Variants in PUM1 observed in about 807,000 individuals in gnomAD.
The protein encoded by PUM1 is pumilio RNA binding family member 1, also known as pumilio homolog 1.
In PUM1, 13 loss-of-function variants were observed where a neutral mutation model predicts 131.8. The observed-to-expected ratio is 0.10, with a 90% confidence interval of 0.06 to 0.16. The LOEUF is 0.16. PUM1 is among the 10% of genes least tolerant of loss of function. PUM1 has a pLI of 1.00. For synonymous variants in PUM1, 509 were observed against 556.5 expected (o/e 0.91, Z 1.20); for missense variants, 961 against 1,512.4 (o/e 0.64, Z 6.05).
intron 20 of PUM1, among the ~76,000 whole-genome samples, chr1:30,939,749 T>C (rs1314031596): frequency 1.3e-5 from 2 of 152,140 alleles, no homozygotes; most frequent in Non-Finnish European, 1.5e-5. Context: ...TCCCAGCTAC[T>C]TAGGAGGTTG....
At chr1:31,027,533 AC>A (rs1643271779) in intron 3 of PUM1, among the ~76,000 whole-genome samples, 1 of 152,194 alleles carries the variant, frequency 6.6e-6, no homozygotes, top group African/African-American at 2.4e-5. Context: ...AAACACAAGG[AC>A]ATCTCCCAAT....
chr1:30,988,484 A>T (rs955696914), intron 7 of PUM1, among the ~76,000 whole-genome samples: 2 of 152,234 alleles, frequency 1.3e-5, no homozygotes, highest in African/African-American at 4.8e-5. Context: ...AAAAAATCAC[A>T]AATAAAGCAA....
intron 2 of PUM1, among the ~76,000 whole-genome samples, chr1:31,035,482 T>C (rs1169455616): frequency 6.6e-6 from 1 of 152,074 alleles, no homozygotes; most frequent in Non-Finnish European, 1.5e-5. Context: ...TGGGGCGCAG[T>C]GGCTCACACC....
intron 7 of PUM1, among the ~76,000 whole-genome samples, chr1:30,983,210 G>A (rs551539907): frequency 3.1e-4 from 47 of 152,350 alleles, no homozygotes; most frequent in Non-Finnish European, 6.2e-4. Context: ...GTCCACCCAA[G>A]AGGGGCAGCC....
rs1380410556 is a variant in PUM1 at position 30,932,805 on chromosome 1, A to G, written c.*406T>C. 1 of 151,778 alleles carries G rather than the reference A, an allele frequency of 6.6e-6. No homozygotes were observed. The highest frequency in any genetic ancestry group is 1.5e-5 in the Non-Finnish European group (1 of 68,026). The allele number at this position is 151,778 out of a possible 1,614,324, so 9.4% of individuals were successfully genotyped here. A position where few individuals can be genotyped will look rare whatever the true frequency, so the allele number is the denominator to read the frequency against. ...ATTTGCAAAACTTGCCGGCCAGGCA[A>G]ATGAGCTAAAAACCTTTTCCTTTTT... On this transcript the variant is annotated 3_prime_UTR_variant, in exon 22 of 22. Transcript: ENST00000426105.
intron 2 of PUM1, among the ~76,000 whole-genome samples, chr1:31,048,769 C>T (rs957358790): frequency 1.4e-4 from 21 of 152,136 alleles, no homozygotes; most frequent in Middle Eastern, 3.4e-3. Context: ...CCACCATGCC[C>T]GGCCCATCAG....
chr1:30,982,831 C>A (rs6700556), intron 7 of PUM1, among the ~76,000 whole-genome samples: 46,147 of 152,024 alleles, frequency 0.3, 9,485 homozygotes, highest in African/African-American at 0.57. Flanking sequence ...AAGATATTGG[C>A]CAATTTCACC....
rs1640040190 is a variant in PUM1 at position 30,953,703 on chromosome 1, C to CA, written c.2591+10dup. On this transcript the variant is annotated intron_variant, in intron 15 of 21. Transcript: ENST00000426105. ...TTCGGGTACCTTAAAGTGCCAAAGC[C>CA]AAGTACTCACCTGGACCCATGCTGG... 1.9e-6 allele frequency: 3 copies of CA among 1,613,784 alleles called. No individual in the cohort carries two copies. The East Asian group carries it at 6.7e-5, about 36-fold the overall frequency.
rs1245484670 is a variant in PUM1, at chr1:30,932,593, C to T, written c.*618G>A. ...AAGGCATTTTTTAGAATTTCATAAACTTAATGTCACAAACTGAAGCTTTAG... is the reference window on the plus strand; with the variant it reads ...AAGGCATTTTTTAGAATTTCATAAATTTAATGTCACAAACTGAAGCTTTAG... On this transcript the variant is annotated 3_prime_UTR_variant, in exon 22 of 22. Transcript: ENST00000426105. 1 of 149,564 alleles carries T rather than the reference C, an allele frequency of 6.7e-6. No individual in the cohort carries two copies. Among genetic ancestry groups the T allele is most frequent in the East Asian group, 1.9e-4 (1 of 5,162 alleles). The allele number at this position is 149,564 out of a possible 1,614,324, so 9.3% of individuals were successfully genotyped here.
chr1:31,004,022 T>C (rs561826159), intron 5 of PUM1, among the ~76,000 whole-genome samples: 1 of 152,304 alleles, frequency 6.6e-6, no homozygotes, highest in East Asian at 1.9e-4. Context: ...CCTCAGCAGC[T>C]CAGTAAATTA....
intron 2 of PUM1, among the ~76,000 whole-genome samples, chr1:31,040,479 T>C (rs1022510206): frequency 6.6e-6 from 1 of 152,072 alleles, no homozygotes; most frequent in African/African-American, 2.4e-5. Context: ...AAGAGAAAAC[T>C]ACATAAATAA....
Position 30,932,833 on chromosome 1 carries a change from CTTT to C in PUM1, c.*375_*377del, listed in dbSNP as rs1012123112. ...GAGCTAAAAACCTTTTCCTTTTTTT[CTTT>C]TTTTTTTAAAGCTTTTTTTTTTTGT... is the stretch of plus-strand genomic sequence containing the variant. On this transcript the variant is annotated 3_prime_UTR_variant, in exon 22 of 22. Transcript: ENST00000426105. 7.0e-6 allele frequency: 1 copy of C among 143,742 alleles called. No individual in the cohort carries two copies. The highest frequency in any genetic ancestry group is 7.1e-5 in the Admixed American group (1 of 14,174). The allele number at this position is 143,742 out of a possible 1,614,324, so 8.9% of individuals were successfully genotyped here.
rs1351210528 is a variant in PUM1, at chr1:30,996,443, T to A, written c.721-1223A>T. On this transcript the variant is annotated intron_variant, in intron 5 of 21. Transcript: ENST00000426105. ...GTAGATCCAAAACCAACAGATGCTC[T>A]TAAGAGATCACTGGCCCAGAAAGGC... Among the ~76,000 whole-genome samples, 2 of 152,226 alleles carry A rather than the reference T, an allele frequency of 1.3e-5. 1 individual carries two copies. Among genetic ancestry groups the A allele is most frequent in the Non-Finnish European group, 2.9e-5 (2 of 68,032 alleles).
At chr1:31,045,318 A>G (rs1164944680) in intron 2 of PUM1, among the ~76,000 whole-genome samples, 2 of 151,054 alleles carry the variant, frequency 1.3e-5, no homozygotes, top group Non-Finnish European at 2.9e-5. Flanking sequence ...CTGTATTTTC[A>G]GTAGAGACAG....
intron 3 of PUM1, among the ~76,000 whole-genome samples, chr1:31,020,370 G>C (rs1202404877): frequency 6.6e-6 from 1 of 152,192 alleles, no homozygotes; most frequent in Non-Finnish European, 1.5e-5. Flanking sequence ...GCAAGCGCAA[G>C]TGTCTTTTTG....
At chr1:30,975,445 G>A (rs971454157) in intron 9 of PUM1, among the ~76,000 whole-genome samples, 18 of 151,112 alleles carry the variant, frequency 1.2e-4, no homozygotes, top group African/African-American at 3.9e-4. Flanking sequence ...TGACCTCCCC[G>A]GCTTAAGTGA....
intron 3 of PUM1, among the ~76,000 whole-genome samples, chr1:31,027,255 G>A (rs1041169231): frequency 2.6e-5 from 4 of 152,074 alleles, no homozygotes; most frequent in Non-Finnish European, 5.9e-5. Flanking sequence ...GGACAACATA[G>A]TGAGACTCTG....
At chr1:31,057,447 G>A (rs1349072849) in intron 2 of PUM1, among the ~76,000 whole-genome samples, 1 of 147,944 alleles carries the variant, frequency 6.8e-6, no homozygotes, top group Non-Finnish European at 1.5e-5. Flanking sequence ...AAAAAGGGCT[G>A]GGCATGGTGG....
intron 3 of PUM1, among the ~76,000 whole-genome samples, chr1:31,020,329 G>A (rs559698546): frequency 1.3e-5 from 2 of 152,130 alleles, no homozygotes; most frequent in African/African-American, 2.4e-5. Flanking sequence ...TTCCACGTCT[G>A]TGCTATTGTG....
Sources: gnomAD v4.1 joint callset for allele counts (sites outside exome capture counted in the v4.1 genomes callset) on GRCh38, gnomAD v4.1.1 for gene constraint, MANE v1.5 for transcripts, NCBI Gene and HGNC (gene_info 2026-07-23, HGNC 2026-07-21) for gene names.